The following GABRA3 variants were observed in gnomAD, a reference collection of about 807,000 sequenced individuals.
The protein encoded by GABRA3 is gamma-aminobutyric acid type A receptor subunit alpha3, also known as gamma-aminobutyric acid receptor subunit alpha-3.
GABRA3 carries 10 observed loss-of-function variants against 30.1 expected under a neutral mutation model. The observed-to-expected ratio is 0.33, with a 90% CI of 0.20 to 0.56. The LOEUF is 0.56. GABRA3 is among the 20% of genes least tolerant of loss of function. The pLI, the probability that GABRA3 is intolerant of heterozygous loss-of-function variation, is 0.89. For synonymous variants in GABRA3, 151 were observed against 146.8 expected (o/e 1.03, Z -0.21); for missense variants, 233 against 392.0 (o/e 0.59, Z 3.42).
At chrX:152,174,226 T>A (rs1170890002) in intron 9 of GABRA3, among the ~76,000 whole-genome samples, 1 of 111,103 alleles carries the variant, frequency 9.0e-6, no homozygotes, top group Non-Finnish European at 1.9e-5. Context: ...GTCTTTGCTA[T>A]TGTGAATAGT....
rs566197548 is a variant in GABRA3 at position 152,238,161 on chromosome X, C to T, written c.552-13316G>A. Among the ~76,000 whole-genome samples, 105 of 106,308 alleles carry T rather than the reference C, an allele frequency of 9.9e-4. No homozygotes were observed. In the South Asian group the frequency reaches 0.04, roughly 41 times the overall value. 92.3% of individuals were successfully genotyped at this position (106,308 alleles called of 115,157 possible). ...AGATAGCTCTTATTATTTTGAAATA[C>T]ATCCCATCAATACCTAATTTATTGA... is the stretch of plus-strand genomic sequence containing the variant. On this transcript the variant is annotated intron_variant, in intron 5 of 9. Transcript: ENST00000370314.
chrX:152,388,955 T>C (rs1184914966), intron 1 of GABRA3, among the ~76,000 whole-genome samples: 1 of 112,029 alleles, frequency 8.9e-6, no homozygotes, highest in African/African-American at 3.2e-5. Flanking sequence ...AGCAGGCAAA[T>C]GTGGTATATG....
intron 1 of GABRA3, among the ~76,000 whole-genome samples, chrX:152,376,571 C>CT (rs1929004041): frequency 1.8e-5 from 2 of 111,198 alleles, no homozygotes; most frequent in Admixed American, 9.6e-5. Flanking sequence ...CTAATGACTC[C>CT]TTTCTCTTAG....
At chrX:152,297,374 T>A (rs1939548897) in intron 3 of GABRA3, among the ~76,000 whole-genome samples, 1 of 112,263 alleles carries the variant, frequency 8.9e-6, no homozygotes. Flanking sequence ...ACTTTCTTCA[T>A]CTTTATTCCA....
intron 1 of GABRA3, among the ~76,000 whole-genome samples, chrX:152,411,030 A>C (rs5970300): frequency 0.52 from 57,938 of 110,913 alleles, 11,991 homozygotes; most frequent in Non-Finnish European, 0.67. Context: ...GGAACGAAGG[A>C]TGCATGTGGT....
chrX:152,278,364 G>C (rs1269935301), intron 4 of GABRA3, among the ~76,000 whole-genome samples: 2 of 108,167 alleles, frequency 1.8e-5, no homozygotes, highest in Non-Finnish European at 3.8e-5. Context: ...GTGGTGTTTG[G>C]TTTTTTGTCC....
At chrX:152,210,173 T>A (rs767266833) in intron 6 of GABRA3, among the ~76,000 whole-genome samples, 6 of 112,162 alleles carry the variant, frequency 5.3e-5, no homozygotes, top group African/African-American at 1.6e-4. Context: ...ATATAAATCA[T>A]AGTTTTTTGT....
At chrX:152,212,753 T>A (rs1198835317) in intron 6 of GABRA3, among the ~76,000 whole-genome samples, 1 of 111,939 alleles carries the variant, frequency 8.9e-6, no homozygotes, top group Non-Finnish European at 1.9e-5. Context: ...AAGGACATTT[T>A]AAAAAGATTC....
intron 1 of GABRA3, among the ~76,000 whole-genome samples, chrX:152,368,705 T>A (rs776978573): frequency 0.015 from 998 of 67,634 alleles, 11 homozygotes; most frequent in African/African-American, 0.057. Context: ...TTTTTTCTTT[T>A]TTTTTTTTTT....
At chrX:152,284,883 T>C (rs1019025165) in intron 3 of GABRA3, 148 bp from the exon 4 acceptor site, 4 of 331,848 alleles carry the variant, frequency 1.2e-5, no homozygotes, top group African/African-American at 8.1e-5. Flanking sequence ...GTGCTATCTC[T>C]TCACAGGGAA....
At position 152,186,045 on chromosome X, in the gene GABRA3, T is replaced by A. The variant is rs185748940; in HGVS notation, c.1143+3685A>T. On this transcript the variant is annotated intron_variant, in intron 9 of 9. Coordinates refer to ENST00000370314, the MANE Select transcript of GABRA3 (RefSeq NM_000808.4). ...TCATTCCCCAACCAATATTCATTAA[T>A]ACCAGCTTATAAATTTGAGTCTTCT... 2.2e-3 allele frequency among the ~76,000 whole-genome samples: 244 copies of A among 111,359 alleles called. 3 individuals are homozygous for A. The highest frequency in any genetic ancestry group is 7.7e-3 in the African/African-American group (235 of 30,674).
At chrX:152,339,023 T>G (rs1181044405) in intron 3 of GABRA3, among the ~76,000 whole-genome samples, 1 of 111,110 alleles carries the variant, frequency 9.0e-6, no homozygotes, top group African/African-American at 3.3e-5. Flanking sequence ...TCTCTTGTCA[T>G]CCTATGTACA....
At chrX:152,264,855 T>C (rs760057761) in intron 4 of GABRA3, among the ~76,000 whole-genome samples, 8 of 110,401 alleles carry the variant, frequency 7.2e-5, no homozygotes, top group Admixed American at 1.9e-4. Context: ...TACACTTATA[T>C]CAGACAAAAT....
At chrX:152,373,405 G>C (rs1351004954) in intron 1 of GABRA3, among the ~76,000 whole-genome samples, 1 of 111,551 alleles carries the variant, frequency 9.0e-6, no homozygotes. Flanking sequence ...ATACCCAGAA[G>C]TGGGATTGCT....
intron 9 of GABRA3, among the ~76,000 whole-genome samples, chrX:152,187,893 A>G (rs1211910088): frequency 8.9e-6 from 1 of 112,490 alleles, no homozygotes; most frequent in Non-Finnish European, 1.9e-5. Context: ...TGAGTATTGT[A>G]ATAAATGTCT....
At chrX:152,349,028 C>A (rs1341057294) in intron 2 of GABRA3, among the ~76,000 whole-genome samples, 2 of 111,905 alleles carry the variant, frequency 1.8e-5, no homozygotes, top group East Asian at 5.6e-4. Flanking sequence ...GCATGTGATG[C>A]TGTTTGGTCG....
At chrX:152,273,906 G>A (rs746376519) in intron 4 of GABRA3, among the ~76,000 whole-genome samples, 37 of 111,496 alleles carry the variant, frequency 3.3e-4, no homozygotes, top group Non-Finnish European at 6.4e-4. Flanking sequence ...ACCTCTATAA[G>A]TAAAATAGAT....
At chrX:152,237,229 CCAG>C (rs1382181686) in intron 5 of GABRA3, among the ~76,000 whole-genome samples, 9 of 110,905 alleles carry the variant, frequency 8.1e-5, no homozygotes, top group African/African-American at 3.0e-4. Context: ...GCCAGTTTTC[CCAG>C]CACCATTTAT....
intron 1 of GABRA3, among the ~76,000 whole-genome samples, chrX:152,393,736 T>G (rs939510882): frequency 2.7e-5 from 3 of 111,714 alleles, no homozygotes; most frequent in African/African-American, 9.8e-5. Flanking sequence ...TAAACCACGA[T>G]GTACACCCAG....
Sources: allele counts gnomAD v4.1 joint callset (sites outside exome capture counted in the v4.1 genomes callset), GRCh38; gene constraint gnomAD v4.1.1; transcripts MANE v1.5; gene names NCBI Gene and HGNC (gene_info 2026-07-23, HGNC 2026-07-21).